The following AMBRA1 variants were observed in gnomAD, a reference collection of about 807,000 sequenced individuals.
AMBRA1 encodes autophagy and beclin 1 regulator 1.
In AMBRA1, 47 loss-of-function variants were observed where a neutral mutation model predicts 125.4. The observed-to-expected ratio is 0.37, with a 90% confidence interval of 0.30 to 0.48. The LOEUF (loss-of-function observed/expected upper bound fraction) is 0.48, where lower values mean the gene tolerates loss of function less well. Ranked by LOEUF, AMBRA1 falls within the 20% of genes least tolerant of loss-of-function variation. The pLI is 0.99. For missense variants in AMBRA1, 1,331 were observed against 1,693.4 expected, an observed-to-expected ratio of 0.79 and a Z score of 3.76; for synonymous variants, 626 against 655.5, an observed-to-expected ratio of 0.95 and a Z score of 0.69.
At position 46,541,908 on chromosome 11, in the gene AMBRA1, A is replaced by G. The variant is rs1195518034; in HGVS notation, c.2072+37T>C. On this transcript the variant is annotated intron_variant, in intron 7 of 17. Coordinates refer to ENST00000683756, the MANE Select transcript of AMBRA1 (RefSeq NM_001387011.1). ...CTCAAGGAAATGATACAAGGAGAAA[A>G]GCAAGGGATGCAGAAGATAGGAAAG... 2.5e-6 allele frequency: 4 copies of G among 1,592,876 alleles called. No individual in the cohort carries two copies. In the African/African-American group the frequency reaches 5.5e-5, roughly 22 times the overall value.
At chr11:46,430,590 T>C (rs1265222646) in intron 14 of AMBRA1, among the ~76,000 whole-genome samples, 1 of 152,206 alleles carries the variant, frequency 6.6e-6, no homozygotes, top group Non-Finnish European at 1.5e-5. Context: ...TAATAGCAAT[T>C]AGCAATTCAT....
intron 7 of AMBRA1, among the ~76,000 whole-genome samples, chr11:46,529,900 C>A (rs1952137398): frequency 6.6e-6 from 1 of 152,150 alleles, no homozygotes; most frequent in Admixed American, 6.5e-5. Context: ...CAAGAAAGAG[C>A]AGAAATAAGA....
At chr11:46,494,329 ATCTG>A in intron 9 of AMBRA1, 125 bp from the exon 10 acceptor site, 1 of 712,326 alleles carries the variant, frequency 1.4e-6, no homozygotes, top group Non-Finnish European at 2.3e-6. Context: ...TAAATTAGTC[ATCTG>A]GCTGCTCACT....
intron 1 of AMBRA1, among the ~76,000 whole-genome samples, chr11:46,550,572 G>A (rs1039876195): frequency 6.6e-6 from 1 of 152,100 alleles, no homozygotes; most frequent in Non-Finnish European, 1.5e-5. Context: ...TTAATGGGGG[G>A]AGATGCTGAA....
At chr11:46,408,136 G>C (rs1946112587) in intron 17 of AMBRA1, among the ~76,000 whole-genome samples, 1 of 152,194 alleles carries the variant, frequency 6.6e-6, no homozygotes, top group South Asian at 2.1e-4. Context: ...CTGCCACACT[G>C]GTAGGGGGAC....
chr11:46,477,830 C>T (rs1949883376), intron 11 of AMBRA1, among the ~76,000 whole-genome samples: 1 of 152,076 alleles, frequency 6.6e-6, no homozygotes, highest in South Asian at 2.1e-4. Context: ...AATCCCAGCA[C>T]TTTGGGAGGC....
chr11:46,556,889 C>T (rs1026882327), intron 1 of AMBRA1, among the ~76,000 whole-genome samples: 3 of 152,186 alleles, frequency 2.0e-5, no homozygotes, highest in Non-Finnish European at 4.4e-5. Context: ...GTAATCCCAG[C>T]ACCTTGGGAG....
intron 5 of AMBRA1, 117 bp downstream of exon 5, chr11:46,545,487 G>A (rs577870605): frequency 4.0e-6 from 5 of 1,243,626 alleles, no homozygotes; most frequent in African/African-American, 1.5e-5. Flanking sequence ...GGAGCTATGA[G>A]GATGACAACT....
chr11:46,429,141 G>A, intron 14 of AMBRA1: 1 of 1,591,600 alleles, frequency 6.3e-7, no homozygotes. Context: ...TTCTTCTTAG[G>A]CATCAACATC....
chr11:46,462,055 A>C (rs1357893080), intron 11 of AMBRA1, among the ~76,000 whole-genome samples: 3 of 152,144 alleles, frequency 2.0e-5, no homozygotes, highest in Non-Finnish European at 2.9e-5. Flanking sequence ...CAGGTTAGAT[A>C]AATGTCTGAG....
chr11:46,412,575 C>A (rs1009656185), intron 15 of AMBRA1, among the ~76,000 whole-genome samples: 1 of 152,170 alleles, frequency 6.6e-6, no homozygotes, highest in Non-Finnish European at 1.5e-5. Flanking sequence ...TAGGTGTGAA[C>A]CACCGTTCCC....
chr11:46,509,193 A>G (rs1237531687), intron 8 of AMBRA1, among the ~76,000 whole-genome samples: 1 of 152,190 alleles, frequency 6.6e-6, no homozygotes, highest in African/African-American at 2.4e-5. Flanking sequence ...ATTAGTCCAG[A>G]TCTACATTCT....
chr11:46,403,434 T>G (rs1945857213), intron 17 of AMBRA1, among the ~76,000 whole-genome samples: 1 of 152,218 alleles, frequency 6.6e-6, no homozygotes, highest in South Asian at 2.1e-4. Context: ...ACAGCCATGG[T>G]GCTCTCCAAA....
chr11:46,565,360 C>G (rs2043484798), intron 1 of AMBRA1, among the ~76,000 whole-genome samples: 1 of 151,908 alleles, frequency 6.6e-6, no homozygotes, highest in Non-Finnish European at 1.5e-5. Context: ...CATGAATCAG[C>G]AACTGCATGC....
In AMBRA1 at chr11:46,545,166, G is replaced by A. The variant is rs868499550; in HGVS notation, c.551+438C>T. Among the ~76,000 whole-genome samples the A allele has an allele frequency of 1.3e-4, 17 of 128,356 alleles. 2 individuals are homozygous for A. Among genetic ancestry groups the A allele is most frequent in the Non-Finnish European group, 2.8e-4 (17 of 59,844 alleles). The allele number at this position is 128,356 out of a possible 152,430, so 84.2% of individuals were successfully genotyped here. On this transcript the variant is annotated intron_variant, in intron 5 of 17. Coordinates refer to ENST00000683756, the MANE Select transcript of AMBRA1 (RefSeq NM_001387011.1). ...CTTAAAAAAAAAAAAAAAGCCGGGGGGGGGGGGGTGGTGGTGGGCATGGTG... is the reference window on the plus strand; with the variant it reads ...CTTAAAAAAAAAAAAAAAGCCGGGGAGGGGGGGGTGGTGGTGGGCATGGTG...
chr11:46,554,703 C>A (rs1230001747), intron 1 of AMBRA1, among the ~76,000 whole-genome samples: 1 of 152,178 alleles, frequency 6.6e-6, no homozygotes, highest in African/African-American at 2.4e-5. Flanking sequence ...CTAAGTCAAA[C>A]TGAAGTCACA....
At chr11:46,476,205 C>T (rs1000213559) in intron 11 of AMBRA1, among the ~76,000 whole-genome samples, 2 of 152,160 alleles carry the variant, frequency 1.3e-5, no homozygotes, top group African/African-American at 4.8e-5. Context: ...TTTCCTTCAG[C>T]ACTATTACCT....
At chr11:46,414,577 T>G (rs1489610689) in intron 15 of AMBRA1, among the ~76,000 whole-genome samples, 1 of 152,208 alleles carries the variant, frequency 6.6e-6, no homozygotes, top group South Asian at 2.1e-4. Flanking sequence ...GGCTGGTTTA[T>G]GAGGCCGGAA....
intron 9 of AMBRA1, among the ~76,000 whole-genome samples, chr11:46,507,502 G>A (rs1188147206): frequency 1.3e-5 from 2 of 151,478 alleles, no homozygotes; most frequent in African/African-American, 4.8e-5. Flanking sequence ...AAAAAGATTG[G>A]CTAGCTTAAA....
Sources: allele counts gnomAD v4.1 joint callset (sites outside exome capture counted in the v4.1 genomes callset), GRCh38; gene constraint gnomAD v4.1.1; transcripts MANE v1.5; gene names NCBI Gene and HGNC (gene_info 2026-07-23, HGNC 2026-07-21).